Variants in KAZN observed in about 807,000 individuals in gnomAD.
KAZN encodes the protein kazrin.
KAZN carries 40 observed loss-of-function variants against 87.4 expected under a neutral mutation model. That is an observed-to-expected ratio of 0.46 (90% CI 0.36 to 0.60). The LOEUF (loss-of-function observed/expected upper bound fraction) is 0.60. Ranked by LOEUF, KAZN falls within the 20% of genes least tolerant of loss-of-function variation. The pLI is 0.00. For missense variants in KAZN, 898 were observed against 1,073.9 expected (o/e 0.84, Z 2.29); for synonymous variants, 466 against 458.3 (o/e 1.02, Z -0.22).
At chr1:14,892,978 G>A (rs966940393) in intron 1 of KAZN, among the ~76,000 whole-genome samples, 1 of 152,210 alleles carries the variant, frequency 6.6e-6, no homozygotes, top group African/African-American at 2.4e-5. Context: ...ACAATTCTAG[G>A]TGCTAGGATA....
chr1:14,540,393 C>T (rs573191572), intron 2 of KAZN, among the ~76,000 whole-genome samples: 13 of 152,258 alleles, frequency 8.5e-5, no homozygotes, highest in South Asian at 6.2e-4. Flanking sequence ...ACTGAGGCCC[C>T]GCGGGGTTAA....
chr1:14,281,296 T>C (rs1652822964), intron 2 of KAZN, among the ~76,000 whole-genome samples: 1 of 152,176 alleles, frequency 6.6e-6, no homozygotes, highest in Admixed American at 6.5e-5. Context: ...GCAAAGGCAA[T>C]TGAGGTGCAC....
intron 1 of KAZN, among the ~76,000 whole-genome samples, chr1:14,849,931 A>ACC (rs34556308): frequency 0.031 from 4,388 of 141,748 alleles, 220 homozygotes; most frequent in African/African-American, 0.11. Context: ...TAGATTTTCT[A>ACC]CCCCCCCTTT....
intron 2 of KAZN, among the ~76,000 whole-genome samples, chr1:14,265,160 C>G (rs1434645061): frequency 6.6e-6 from 1 of 152,068 alleles, no homozygotes; most frequent in Non-Finnish European, 1.5e-5. Context: ...TTCATTATTC[C>G]AAATTAGTAG....
chr1:14,218,906 A>ATCC (rs75178288), intron 2 of KAZN, among the ~76,000 whole-genome samples: 8 of 151,380 alleles, frequency 5.3e-5, no homozygotes, highest in Admixed American at 2.6e-4. Flanking sequence ...GGCATTGTAC[A>ATCC]TTTGCTGTTA....
intron 1 of KAZN, among the ~76,000 whole-genome samples, chr1:14,177,586 AT>A (rs970292674): frequency 8.6e-5 from 13 of 151,684 alleles, no homozygotes; most frequent in South Asian, 4.2e-4. Flanking sequence ...CGAAATGTCA[AT>A]TTTTTTTTAT....
intron 1 of KAZN, among the ~76,000 whole-genome samples, chr1:13,997,472 T>C (rs938435292): frequency 3.3e-5 from 5 of 151,896 alleles, no homozygotes; most frequent in Non-Finnish European, 7.4e-5. Flanking sequence ...AAGAACCTGA[T>C]AAAAGGTTAG....
chr1:15,103,646 A>G (rs1017940277), intron 12 of KAZN, among the ~76,000 whole-genome samples, 186 bp downstream of exon 12: 7 of 149,460 alleles, frequency 4.7e-5, no homozygotes, highest in Admixed American at 1.3e-4. Context: ...CAGGCCCAGC[A>G]AGAATTACCT....
intron 1 of KAZN, among the ~76,000 whole-genome samples, chr1:14,747,354 A>G (rs747869308): frequency 2.4e-4 from 36 of 152,064 alleles, no homozygotes; most frequent in Non-Finnish European, 5.1e-4. Context: ...TCAGCTCACT[A>G]CAACTTCCAC....
chr1:14,419,945 A>C (rs977812430), intron 2 of KAZN, among the ~76,000 whole-genome samples: 1 of 152,068 alleles, frequency 6.6e-6, no homozygotes, highest in South Asian at 2.1e-4. Flanking sequence ...AAACTTCCAC[A>C]AGGTGGAAGG....
chr1:14,345,752 A>G (rs1205116262), intron 2 of KAZN, among the ~76,000 whole-genome samples: 1 of 152,218 alleles, frequency 6.6e-6, no homozygotes, highest in Non-Finnish European at 1.5e-5. Flanking sequence ...TAAGTGGATC[A>G]ATACTCACCA....
intron 1 of KAZN, among the ~76,000 whole-genome samples, chr1:13,949,623 A>G (rs1233417386): frequency 1.3e-5 from 2 of 152,112 alleles, no homozygotes; most frequent in Non-Finnish European, 2.9e-5. Context: ...TTTCTGTGCC[A>G]AGCAGCGTCC....
chr1:15,012,859 T>C (rs1292424036), intron 2 of KAZN, among the ~76,000 whole-genome samples: 1 of 151,980 alleles, frequency 6.6e-6, no homozygotes, highest in Non-Finnish European at 1.5e-5. Flanking sequence ...GAGGCAGAGG[T>C]TGCAGTGAGT....
At chr1:14,295,936 G>A (rs1387035302) in intron 2 of KAZN, among the ~76,000 whole-genome samples, 11 of 152,108 alleles carry the variant, frequency 7.2e-5, no homozygotes, top group South Asian at 4.2e-4. Context: ...ATCACCCAGC[G>A]CACTGTGGAT....
intron 1 of KAZN, among the ~76,000 whole-genome samples, chr1:14,603,131 C>T (rs559165792): frequency 2.0e-5 from 3 of 152,336 alleles, no homozygotes; most frequent in East Asian, 1.9e-4. Flanking sequence ...TCTGTGGAGA[C>T]GCTAGACACT....
Position 14,997,431 on chromosome 1 carries a change from G to A in KAZN, c.418+36556G>A, listed in dbSNP as rs556462999. Among the ~76,000 whole-genome samples, 4 of 151,926 alleles carry A rather than the reference G, an allele frequency of 2.6e-5. No individual in the cohort carries two copies. In the East Asian group the frequency reaches 5.8e-4, roughly 22 times the overall value. On this transcript the variant is annotated intron_variant, in intron 2 of 14. Coordinates refer to ENST00000376030, the MANE Select transcript of KAZN (RefSeq NM_201628.3). The stretch of plus-strand genomic sequence containing the variant: ...CATTTTGTATTTTTGGTAGAGTCAG[G>A]GTTTCTCCCTGTTGGTCAGGCTGGT...
intron 1 of KAZN, among the ~76,000 whole-genome samples, chr1:14,052,910 G>T (rs1642401338): frequency 6.6e-6 from 1 of 152,166 alleles, no homozygotes; most frequent in South Asian, 2.1e-4. Context: ...CCCATGGAAT[G>T]CCCATGGGGT....
intron 1 of KAZN, among the ~76,000 whole-genome samples, chr1:14,052,110 C>T (rs1275828902): frequency 6.6e-6 from 1 of 152,206 alleles, no homozygotes; most frequent in Non-Finnish European, 1.5e-5. Context: ...ACCCAAATCT[C>T]AGGCTCTTCC....
intron 1 of KAZN, among the ~76,000 whole-genome samples, chr1:14,142,006 A>AT (rs1039084010): frequency 6.6e-6 from 1 of 151,666 alleles, no homozygotes; most frequent in African/African-American, 2.4e-5. Flanking sequence ...TAAAGAGTAC[A>AT]TTTTTGATGG....
Sources: allele counts gnomAD v4.1 joint callset (sites outside exome capture counted in the v4.1 genomes callset), GRCh38; gene constraint gnomAD v4.1.1; transcripts MANE v1.5; gene names NCBI Gene and HGNC (gene_info 2026-07-23, HGNC 2026-07-21).